COLEC10: variants seen among roughly 807,000 people sequenced by gnomAD.
COLEC10 encodes collectin-10.
A neutral mutation model predicts 28.4 loss-of-function variants in COLEC10; 22 were observed. That is an observed-to-expected ratio of 0.78 (90% CI 0.55 to 1.11). The LOEUF is 1.11. Ranked by LOEUF, COLEC10 falls within the 50% of genes least tolerant of loss-of-function variation. The pLI is 0.00. For synonymous variants in COLEC10, 125 were observed against 116.1 expected (o/e 1.08, Z -0.49); for missense variants, 361 against 344.1 (o/e 1.05, Z -0.39).
intron 3 of COLEC10, among the ~76,000 whole-genome samples, chr8:119,093,477 G>A (rs374721216): frequency 3.4e-4 from 52 of 152,264 alleles, no homozygotes; most frequent in Middle Eastern, 3.4e-3. Flanking sequence ...CCATGGTTCA[G>A]AAGTCCTGCT....
intron 1 of COLEC10, among the ~76,000 whole-genome samples, chr8:119,079,050 A>G (rs867603773): frequency 6.7e-5 from 10 of 149,212 alleles, no homozygotes; most frequent in South Asian, 2.1e-4. Flanking sequence ...CACACCAACC[A>G]GGATGTTGCA....
At chr8:119,067,634 G>T (rs1311445792) in intron 1 of COLEC10, 4 of 496,430 alleles carry the variant, frequency 8.1e-6, no homozygotes, top group African/African-American at 7.9e-5. Flanking sequence ...AGAGGATGTT[G>T]GGAAGGGGAA....
chr8:118,974,005 G>A, the COLEC10 span, among the ~76,000 whole-genome samples: 3 of 151,750 alleles, frequency 2.0e-5, no homozygotes, highest in Admixed American at 1.3e-4. Flanking sequence ...CTTTTGCACT[G>A]TAATTCACTC....
intron 1 of COLEC10, among the ~76,000 whole-genome samples, chr8:119,070,474 T>TCTCTCTCTCC (rs1815087230): frequency 8.3e-6 from 1 of 119,944 alleles, no homozygotes; most frequent in African/African-American, 3.3e-5. Context: ...TCTCTCTCTC[T>TCTCTCTCTCC]CTCCTTCCCC....
the COLEC10 span, among the ~76,000 whole-genome samples, chr8:118,987,923 T>A: frequency 6.6e-6 from 1 of 152,126 alleles, no homozygotes; most frequent in Non-Finnish European, 1.5e-5. Context: ...AGTGTGGAAG[T>A]CATCACTCCT....
At chr8:118,986,820 C>T in the COLEC10 span, among the ~76,000 whole-genome samples, 3 of 152,060 alleles carry the variant, frequency 2.0e-5, no homozygotes, top group African/African-American at 7.2e-5. Flanking sequence ...ATTCAATGTA[C>T]ATGAAATACC....
chr8:119,069,332 T>C (rs926605783), intron 1 of COLEC10, among the ~76,000 whole-genome samples: 4 of 151,958 alleles, frequency 2.6e-5, no homozygotes, highest in Admixed American at 6.6e-5. Context: ...CCAGGTGTGT[T>C]GCCTGCAATC....
At chr8:119,089,775 A>G in intron 2 of COLEC10, 24 bp downstream of exon 2, 1 of 1,580,188 alleles carries the variant, frequency 6.3e-7, no homozygotes, top group South Asian at 1.1e-5. Flanking sequence ...TGTGAAACTG[A>G]CATTTTAATA....
the COLEC10 span, among the ~76,000 whole-genome samples, chr8:118,960,290 A>G: frequency 1.5e-4 from 23 of 152,280 alleles, 1 homozygote; most frequent in East Asian, 3.3e-3. Context: ...AAGCATGGAT[A>G]ATTTTGAATT....
chr8:119,101,940 A>C lies in COLEC10; in HGVS notation c.293-408A>C, dbSNP rs186044460. Among the ~76,000 whole-genome samples, 334 of 152,258 alleles carry C rather than the reference A, an allele frequency of 2.2e-3. 1 individual carries two copies. The highest frequency in any genetic ancestry group is 2.4e-3 in the Admixed American group (37 of 15,278). On this transcript the variant is annotated intron_variant, in intron 3 of 5. Coordinates refer to ENST00000332843, the MANE Select transcript of COLEC10 (RefSeq NM_006438.5). ...CAATGGTAGTTTTAAAATTGAAAAC[A>C]TGCTGAGAATTGTATTAGCCTTGTT...
At chr8:119,103,395 G>T (rs531153464) in intron 4 of COLEC10, among the ~76,000 whole-genome samples, 121 of 152,050 alleles carry the variant, frequency 8.0e-4, no homozygotes, top group African/African-American at 2.8e-3. Context: ...GTCATCTATT[G>T]AATAATGCAA....
intron 3 of COLEC10, among the ~76,000 whole-genome samples, chr8:119,100,551 C>A (rs894963307): frequency 3.3e-5 from 5 of 152,164 alleles, no homozygotes; most frequent in Non-Finnish European, 7.4e-5. Flanking sequence ...TCGACATATG[C>A]TCATGCCTTT....
chr8:118,983,979 ACT>A, the COLEC10 span, among the ~76,000 whole-genome samples: 1 of 150,894 alleles, frequency 6.6e-6, no homozygotes, highest in East Asian at 1.9e-4. Flanking sequence ...TAATCCCATT[ACT>A]GGGTATATAT....
intron 1 of COLEC10, among the ~76,000 whole-genome samples, chr8:119,085,599 C>CTTTTTTTTTTTTTTTT (rs66829005): frequency 3.8e-4 from 24 of 63,558 alleles, no homozygotes; most frequent in East Asian, 1.2e-3. Flanking sequence ...TCTTCTTCTT[C>CTTTTTTTTTTTTTTTT]TTTTTTTTTT....
intron 1 of COLEC10, among the ~76,000 whole-genome samples, chr8:119,082,853 G>A (rs1286956304): frequency 6.6e-6 from 1 of 152,168 alleles, no homozygotes; most frequent in Non-Finnish European, 1.5e-5. Flanking sequence ...ACTTCTTTCT[G>A]ACAAAGAATA....
intron 2 of COLEC10, among the ~76,000 whole-genome samples, chr8:119,023,494 T>A (rs78586959): frequency 0.012 from 1,815 of 152,218 alleles, 34 homozygotes; most frequent in African/African-American, 0.041. Flanking sequence ...AGAAATGAAA[T>A]CAACAGAACT....
At chr8:118,954,271 G>A in the COLEC10 span, among the ~76,000 whole-genome samples, 151 of 152,316 alleles carry the variant, frequency 9.9e-4, no homozygotes, top group African/African-American at 3.5e-3. Context: ...GTGCATCTCA[G>A]GGCCTAACTG....
At chr8:119,000,100 G>A (rs746236325) in intron 1 of COLEC10, among the ~76,000 whole-genome samples, 1 of 152,128 alleles carries the variant, frequency 6.6e-6, no homozygotes, top group Non-Finnish European at 1.5e-5. Flanking sequence ...TGAAGGGGAT[G>A]GTCTTACATG....
intron 2 of COLEC10, among the ~76,000 whole-genome samples, chr8:119,046,901 G>A (rs1587017533): frequency 6.6e-6 from 1 of 152,124 alleles, no homozygotes; most frequent in Non-Finnish European, 1.5e-5. Context: ...TCATAGGCTA[G>A]TCGGTGGTCC....
Sources: allele counts gnomAD v4.1 joint callset (sites outside exome capture counted in the v4.1 genomes callset), GRCh38; gene constraint gnomAD v4.1.1; transcripts MANE v1.5; gene names NCBI Gene and HGNC (gene_info 2026-07-23, HGNC 2026-07-21).